The following SAMSN1 variants were observed in gnomAD, a reference collection of about 807,000 sequenced individuals.
The protein encoded by SAMSN1 is SAM domain, SH3 domain and nuclear localization signals 1.
A neutral mutation model predicts 42.0 loss-of-function variants in SAMSN1; 31 were observed. That is an observed-to-expected ratio of 0.74 (90% CI 0.55 to 1.00). The LOEUF is 1.00. Ranked by LOEUF, SAMSN1 falls within the 50% of genes least tolerant of loss-of-function variation. The pLI is 0.00. For missense variants in SAMSN1, 464 were observed against 439.4 expected (o/e 1.06, Z -0.50); for synonymous variants, 178 against 151.9 (o/e 1.17, Z -1.26).
In SAMSN1 at chr21:14,589,580, C is replaced by T. The variant is rs867756694; in HGVS notation, c.465+4433G>A. 4.3e-4 allele frequency among the ~76,000 whole-genome samples: 66 copies of T among 152,030 alleles called. No individual in the cohort carries two copies. In the Middle Eastern group the frequency reaches 0.01, roughly 24 times the overall value. Reference sequence around the variant, plus strand: ...GTGTGTGTACGTATGTATATACCTACATATATTTGCTGGAAAGGCATTTAA... The same window carrying T: ...GTGTGTGTACGTATGTATATACCTATATATATTTGCTGGAAAGGCATTTAA... On this transcript the variant is annotated intron_variant, in intron 7 of 15. Coordinates refer to the SAMSN1 transcript ENST00000647101.
chr21:14,650,318 T>G (rs1304032605), intron 1 of SAMSN1, among the ~76,000 whole-genome samples: 3 of 151,984 alleles, frequency 2.0e-5, no homozygotes, highest in Non-Finnish European at 4.4e-5. Context: ...ATTAAATAAG[T>G]TGAAATAATA....
intron 2 of SAMSN1, among the ~76,000 whole-genome samples, chr21:14,576,338 G>A (rs948500697): frequency 7.9e-5 from 12 of 152,150 alleles, no homozygotes; most frequent in African/African-American, 2.7e-4. Flanking sequence ...GAGAGACCGA[G>A]GGAGACTGCC....
intron 2 of SAMSN1, among the ~76,000 whole-genome samples, chr21:14,557,639 T>A (rs1046173102): frequency 6.6e-6 from 1 of 152,248 alleles, no homozygotes; most frequent in African/African-American, 2.4e-5. Flanking sequence ...AATTCACTTC[T>A]GCTTTCACTT....
Position 14,512,471 on chromosome 21 carries a change from T to C in SAMSN1, c.382A>G (p.Ser128Gly). ...GATGAGCTCTGTCCACTGTAGAGAC[T>C]ATCCATGGAGTCACTGGCTTTGAGG... Reference protein sequence around the residue: ...VSLKASDSMDSLYSGQSSSSG... With the variant: ...VSLKASDSMDGLYSGQSSSSG... Residue 128 changes from serine to glycine, a missense_variant, in exon 4 of 8, where the codon AGT becomes GGT. Ser to Gly is a moderately conservative substitution (Grantham distance 56). Coordinates refer to ENST00000400566, the MANE Select transcript of SAMSN1 (RefSeq NM_022136.5). The C allele has an allele frequency of 6.2e-7, 1 of 1,614,048 alleles. No homozygotes were observed.
Position 14,582,118 on chromosome 21 carries a change from C to T in SAMSN1, c.261+18G>A, listed in dbSNP as rs549960012. On this transcript the variant is annotated intron_variant, in intron 2 of 8. Coordinates refer to the SAMSN1 transcript ENST00000285670. ...AACCCCAGATAAGATGACACATTTC[C>T]GTAGTCTGCAAACTTACCCATGAAT... is the stretch of plus-strand genomic sequence containing the variant. The T allele has an allele frequency of 1.1e-4, 161 of 1,525,576 alleles. 1 individual carries two copies. The East Asian group carries it at 1.8e-3, about 17-fold the overall frequency. 94.5% of individuals were successfully genotyped at this position (1,525,576 alleles called of 1,614,324 possible).
chr21:14,599,307 A>C (rs1982364293), intron 6 of SAMSN1, among the ~76,000 whole-genome samples: 3 of 152,042 alleles, frequency 2.0e-5, no homozygotes, highest in African/African-American at 7.2e-5. Flanking sequence ...ATAATGAGTG[A>C]CTCTCATGAG....
At chr21:14,603,874 A>T (rs759179804) in intron 5 of SAMSN1, among the ~76,000 whole-genome samples, 4 of 152,206 alleles carry the variant, frequency 2.6e-5, no homozygotes, top group Non-Finnish European at 5.9e-5. Flanking sequence ...AGTTGAAGTC[A>T]CCTGAGACTT....
chr21:14,635,446 G>A (rs911208178), intron 2 of SAMSN1, among the ~76,000 whole-genome samples: 4 of 152,156 alleles, frequency 2.6e-5, no homozygotes, highest in Admixed American at 6.5e-5. Flanking sequence ...CATTTGGTGG[G>A]AAATCTAAGG....
At chr21:14,530,890 G>T (rs527661285) in intron 1 of SAMSN1, among the ~76,000 whole-genome samples, 1 of 152,230 alleles carries the variant, frequency 6.6e-6, no homozygotes, top group African/African-American at 2.4e-5. Context: ...AAAGATGGAT[G>T]ACTGAAATTT....
intron 1 of SAMSN1, among the ~76,000 whole-genome samples, chr21:14,536,064 T>A (rs1205128688): frequency 1.3e-5 from 2 of 152,218 alleles, no homozygotes. Flanking sequence ...CAATTCTTAA[T>A]GGAGGACATT....
chr21:14,500,492 A>T, intron 6 of SAMSN1, 37 bp downstream of exon 6: 2 of 1,563,148 alleles, frequency 1.3e-6, no homozygotes, highest in African/African-American at 1.4e-5. Context: ...TTCCATTTAC[A>T]TGCTTCCAAA....
chr21:14,609,346 T>G (rs1982644782), intron 5 of SAMSN1: 1 of 624,476 alleles, frequency 1.6e-6, no homozygotes, highest in Non-Finnish European at 2.9e-6. Flanking sequence ...TTCTATTCTA[T>G]CTTATTTGGT....
chr21:14,586,262 C>CAAAAAAA (rs67482796), upstream of SAMSN1, among the ~76,000 whole-genome samples: 143 of 50,484 alleles, frequency 2.8e-3, no homozygotes, highest in African/African-American at 3.0e-3. Context: ...GACTCCATCT[C>CAAAAAAA]AAAAAAAAAA....
intron 7 of SAMSN1, 122 bp downstream of exon 7, chr21:14,498,320 T>C: frequency 1.2e-6 from 1 of 801,464 alleles, no homozygotes; most frequent in South Asian, 1.9e-5. Context: ...AAAATACCTA[T>C]TTTATGGGAA....
At chr21:14,612,517 AT>A in intron 4 of SAMSN1, 1 of 396,882 alleles carries the variant, frequency 2.5e-6, no homozygotes, top group Non-Finnish European at 5.1e-6. Flanking sequence ...CTTTCTGCTA[AT>A]TTTTTATTGT....
intron 1 of SAMSN1, among the ~76,000 whole-genome samples, chr21:14,539,336 A>C (rs1421057853): frequency 6.6e-6 from 1 of 152,234 alleles, no homozygotes; most frequent in Non-Finnish European, 1.5e-5. Flanking sequence ...TCAATTAAGA[A>C]AAGAGGAAGT....
chr21:14,631,020 C>G (rs552197092), intron 2 of SAMSN1, among the ~76,000 whole-genome samples: 4 of 152,142 alleles, frequency 2.6e-5, no homozygotes, highest in Non-Finnish European at 5.9e-5. Context: ...TTCAATGTGT[C>G]CATTTACCCA....
chr21:14,528,768 C>T (rs1568789553), intron 1 of SAMSN1, among the ~76,000 whole-genome samples: 1 of 152,130 alleles, frequency 6.6e-6, no homozygotes, highest in African/African-American at 2.4e-5. Flanking sequence ...ATTCTTGCCC[C>T]TCTAATCATC....
At chr21:14,496,285 C>T (rs1986912812) in intron 7 of SAMSN1, 1 of 152,212 alleles carries the variant, frequency 6.6e-6, no homozygotes. Context: ...AGGAGTTTTA[C>T]AGCAGACTCC....
Sources: gnomAD v4.1 joint callset for allele counts (sites outside exome capture counted in the v4.1 genomes callset) on GRCh38, gnomAD v4.1.1 for gene constraint, MANE v1.5 for transcripts, NCBI Gene and HGNC (gene_info 2026-07-23, HGNC 2026-07-21) for gene names.